The following ANKRD50 variants were observed in gnomAD, a reference collection of about 807,000 sequenced individuals.
The protein encoded by ANKRD50 is ankyrin repeat domain 50.
Under a neutral mutation model 112.0 loss-of-function variants are expected in ANKRD50, and 40 were observed. The ratio of observed to expected loss-of-function variants is 0.36; its 90% CI spans 0.28 to 0.46. ANKRD50 has a LOEUF of 0.46. Among genes scored for constraint, ANKRD50 ranks in the 20% least tolerant of loss-of-function variants. The pLI is 1.00. For synonymous variants in ANKRD50, 613 were observed against 619.1 expected (o/e 0.99, Z 0.15); for missense variants, 1,487 against 1,701.7 (o/e 0.87, Z 2.22).
At chr4:124,700,800 C>A (rs1375216591) in intron 2 of ANKRD50, among the ~76,000 whole-genome samples, 1 of 152,188 alleles carries the variant, frequency 6.6e-6, no homozygotes, top group Non-Finnish European at 1.5e-5. Flanking sequence ...ATAGCTCTCT[C>A]ATGTTCCTTG....
At position 124,669,420 on chromosome 4, in the gene ANKRD50, G is replaced by A. The variant is rs778120664; in HGVS notation, c.3857C>T (p.Ala1286Val). ...TGGCTGTGAAGAATTACTTTGTTTC[G>A]CTTTTTTCCCAGCTGATCCAGACTT... ...SAKSGSAGKK[A>V]KQSNSSQPKV... Residue 1286 changes from alanine (A) to valine (V), a missense_variant, in exon 4 of 5, where the codon GCG becomes GTG. This residue lies in a region of ANKRD50 where 441 missense variants were observed against 432.2 expected (regional missense o/e 1.02). Coordinates refer to ENST00000504087, the MANE Select transcript of ANKRD50 (RefSeq NM_020337.3). 1.9e-5 allele frequency: 31 copies of A among 1,612,708 alleles called. No individual in the cohort carries two copies. Among genetic ancestry groups the A allele is most frequent in the Non-Finnish European group, 2.3e-5 (27 of 1,179,646 alleles).
At chr4:124,708,101 T>C (rs967230087) in intron 2 of ANKRD50, among the ~76,000 whole-genome samples, 1 of 152,302 alleles carries the variant, frequency 6.6e-6, no homozygotes, top group South Asian at 2.1e-4. Context: ...AAATAGCTTA[T>C]GAAATTACTT....
intron 2 of ANKRD50, among the ~76,000 whole-genome samples, chr4:124,689,405 G>A (rs1428782799): frequency 1.3e-5 from 2 of 152,132 alleles, no homozygotes; most frequent in East Asian, 3.9e-4. Context: ...GGGTGACAGG[G>A]TGCCCAGACA....
chr4:124,701,608 T>G (rs994330648), intron 2 of ANKRD50, among the ~76,000 whole-genome samples: 2 of 152,108 alleles, frequency 1.3e-5, no homozygotes, highest in Admixed American at 1.3e-4. Context: ...TTTAAAACAA[T>G]GAAAATTATA....
chr4:124,680,511 A>T (rs987345740), intron 2 of ANKRD50, among the ~76,000 whole-genome samples: 1 of 152,312 alleles, frequency 6.6e-6, no homozygotes, highest in South Asian at 2.1e-4. Flanking sequence ...AGGAGGGTAG[A>T]GGGAAGGTGG....
Position 124,671,561 on chromosome 4 carries a change from C to T in ANKRD50, c.1716G>A (p.Glu572=), listed in dbSNP as rs566096054. ...GTGTATGTCCATGAGCATCTTCTAT[C>T]TCTAAATCTGCTCCCCTAGAGACAA... ...NLLVSRGADL[E]IEDAHGHTPL... is the part of the protein sequence containing the mutation. The change falls in exon 4 of 5, where the codon GAG becomes GAA. Residue 572 remains glutamate, a synonymous_variant. Transcript: ENST00000504087. 6 of 1,613,790 alleles carry T rather than the reference C, an allele frequency of 3.7e-6. 1 individual carries two copies. In the South Asian group the frequency reaches 6.6e-5, roughly 18 times the overall value.
chr4:124,670,304 A>G lies in ANKRD50; in HGVS notation c.2973T>C (p.His991=). The G allele has an allele frequency of 1.2e-6, 2 of 1,613,916 alleles. No homozygotes were observed. Among genetic ancestry groups the G allele is most frequent in the Non-Finnish European group, 1.7e-6 (2 of 1,179,898 alleles). The part of the protein sequence containing the change: ...TALHVSCWQG[H]MEMVQVLIAY... ...CTATCAGGACCTGCACCATTTCCAT[A>G]TGGCCTTGCCAACAAGACACATGAA... The change falls in exon 4 of 5, where the codon CAT becomes CAC. Residue 991 remains histidine (H), a synonymous_variant. Coordinates refer to ENST00000504087, the MANE Select transcript of ANKRD50 (RefSeq NM_020337.3).
chr4:124,664,829 T>G lies in ANKRD50; in HGVS notation c.*2689A>C, dbSNP rs1453520482. The G allele has an allele frequency of 6.6e-6, 1 of 152,006 alleles. No homozygotes were observed. Among genetic ancestry groups the G allele is most frequent in the African/African-American group, 2.4e-5 (1 of 41,424 alleles). 9.4% of individuals were successfully genotyped at this position (152,006 alleles called of 1,614,324 possible). ...AAGAACAAAAATTATTGGCTGTACT[T>G]TGCAGTACGCACTGATTTCAGGTCA... is the stretch of plus-strand genomic sequence containing the variant. On this transcript the variant is annotated 3_prime_UTR_variant, in exon 5 of 5. Coordinates refer to ENST00000504087, the MANE Select transcript of ANKRD50 (RefSeq NM_020337.3).
chr4:124,695,337 T>C (rs946007495), intron 2 of ANKRD50, among the ~76,000 whole-genome samples: 7 of 152,206 alleles, frequency 4.6e-5, no homozygotes, highest in Non-Finnish European at 1.0e-4. Context: ...TTGGGAGGCC[T>C]ATACTGATTT....
At chr4:124,682,838 A>G (rs1288151458) in intron 2 of ANKRD50, among the ~76,000 whole-genome samples, 1 of 152,092 alleles carries the variant, frequency 6.6e-6, no homozygotes, top group East Asian at 1.9e-4. Flanking sequence ...GTCAAATTCT[A>G]TCCTTTAATT....
intron 2 of ANKRD50, among the ~76,000 whole-genome samples, chr4:124,685,635 GAT>G (rs146631319): frequency 0.042 from 6,356 of 152,086 alleles, 175 homozygotes; most frequent in Middle Eastern, 0.078. Context: ...ATCATACAAA[GAT>G]AACACTGTAT....
chr4:124,678,625 T>C (rs1365932716), intron 3 of ANKRD50, 51 bp downstream of exon 3: 1 of 1,509,428 alleles, frequency 6.6e-7, no homozygotes, highest in Non-Finnish European at 9.1e-7. Flanking sequence ...TCTAAGAAAC[T>C]AGTTCATTAA....
At chr4:124,695,016 T>C (rs1343317685) in intron 2 of ANKRD50, among the ~76,000 whole-genome samples, 1 of 151,880 alleles carries the variant, frequency 6.6e-6, no homozygotes, top group Non-Finnish European at 1.5e-5. Flanking sequence ...TGTATAGGTA[T>C]AAAGTTAATT....
chr4:124,673,315 TG>T (rs1301984596), intron 3 of ANKRD50, among the ~76,000 whole-genome samples: 4 of 152,156 alleles, frequency 2.6e-5, no homozygotes, highest in African/African-American at 9.7e-5. Context: ...TAGACAATTG[TG>T]TATTCATCTT....
At chr4:124,673,147 C>A (rs941739236) in intron 3 of ANKRD50, among the ~76,000 whole-genome samples, 6 of 151,974 alleles carry the variant, frequency 3.9e-5, no homozygotes, top group Admixed American at 1.3e-4. Context: ...AAATTATGGT[C>A]AAAAAACTTC....
chr4:124,680,860 A>G (rs1053083015), intron 2 of ANKRD50, among the ~76,000 whole-genome samples: 1 of 152,086 alleles, frequency 6.6e-6, no homozygotes, highest in South Asian at 2.1e-4. Context: ...ACAGGAAAGA[A>G]AATCTAGTTG....
chr4:124,677,391 A>G (rs1471293561), intron 3 of ANKRD50, among the ~76,000 whole-genome samples: 3 of 151,886 alleles, frequency 2.0e-5, no homozygotes, highest in Admixed American at 1.3e-4. Flanking sequence ...ATGTCCATGA[A>G]CAGGATAACG....
At chr4:124,700,130 C>T (rs1045354041) in intron 2 of ANKRD50, among the ~76,000 whole-genome samples, 1 of 152,114 alleles carries the variant, frequency 6.6e-6, no homozygotes, top group Admixed American at 6.5e-5. Context: ...AAGGAAAGCT[C>T]TCTGAGGAGG....
intron 2 of ANKRD50, among the ~76,000 whole-genome samples, chr4:124,691,701 G>T (rs975503885): frequency 2.0e-5 from 3 of 151,796 alleles, no homozygotes; most frequent in Non-Finnish European, 4.4e-5. Flanking sequence ...CTCTCCCCCT[G>T]GCCCTTTTTG....
Sources: gnomAD v4.1 joint callset for allele counts (sites outside exome capture counted in the v4.1 genomes callset) on GRCh38, gnomAD v4.1.1 for gene constraint, gnomAD v4.1.1 regional missense constraint, MANE v1.5 for transcripts, NCBI Gene and HGNC (gene_info 2026-07-23, HGNC 2026-07-21) for gene names.